The following TENT2 variants were observed in gnomAD, a reference collection of about 807,000 sequenced individuals.
TENT2 encodes terminal nucleotidyltransferase 2, also known as poly(A) RNA polymerase GLD2.
In TENT2, 44 loss-of-function variants were observed where a neutral mutation model predicts 72.2. That is an observed-to-expected ratio of 0.61 (90% CI 0.48 to 0.78). TENT2 has a LOEUF of 0.78. Ranked by LOEUF, TENT2 falls within the 30% of genes least tolerant of loss-of-function variation. TENT2 has a pLI of 0.00. For missense variants in TENT2, 541 were observed against 569.6 expected, an observed-to-expected ratio of 0.95 and a Z score of 0.51; for synonymous variants, 212 against 192.5, an observed-to-expected ratio of 1.10 and a Z score of -0.84.
chr5:79,613,456 CTG>C (rs1479439373), intron 1 of TENT2, among the ~76,000 whole-genome samples: 1 of 152,186 alleles, frequency 6.6e-6, no homozygotes, highest in African/African-American at 2.4e-5. Flanking sequence ...ATTACTAAAT[CTG>C]TGTTTTTATA....
chr5:79,657,825 T>A (rs1799013400), intron 11 of TENT2, among the ~76,000 whole-genome samples: 1 of 152,200 alleles, frequency 6.6e-6, no homozygotes. Context: ...CATATTGGTT[T>A]CATATACTTA....
chr5:79,620,081 G>T lies in TENT2; in HGVS notation c.225G>T (p.Arg75Ser). The change falls in exon 3 of 15, where the codon AGG becomes AGT. Residue 75 changes from arginine to serine, a missense_variant and splice_region_variant. Coordinates refer to ENST00000453514, the MANE Select transcript of TENT2 (RefSeq NM_001114394.3). Reference protein sequence around the residue: ...QTSASPLFRGRKRLSDEKNLP... With the variant: ...QTSASPLFRGSKRLSDEKNLP... ...CAGCTTCCCCATTATTTCGAGGAAG[G>T]AAGTAAGTACTTCTTAATTATTTTA... 6.3e-7 allele frequency: 1 copy of T among 1,587,444 alleles called. No individual in the cohort carries two copies. Among genetic ancestry groups the T allele is most frequent in the Non-Finnish European group, 8.6e-7 (1 of 1,157,656 alleles).
chr5:79,616,898 G>T (rs1368611860), intron 1 of TENT2, among the ~76,000 whole-genome samples: 3 of 152,058 alleles, frequency 2.0e-5, no homozygotes, highest in Non-Finnish European at 4.4e-5. Flanking sequence ...TATGAACCCT[G>T]GACTGGTGAG....
intron 4 of TENT2, among the ~76,000 whole-genome samples, chr5:79,634,114 C>T (rs865781334): frequency 1.0e-3 from 153 of 147,888 alleles, no homozygotes; most frequent in Middle Eastern, 3.6e-3. Context: ...CGAATCGTGC[C>T]ACTGCACTCC....
At position 79,685,665 on chromosome 5, in the gene TENT2, A is replaced by T. The variant is rs1438498411; in HGVS notation, c.*392A>T. On this transcript the variant is annotated 3_prime_UTR_variant, in exon 15 of 15. Coordinates refer to ENST00000453514, the MANE Select transcript of TENT2 (RefSeq NM_001114394.3). ...TTCATACATGCTTAAAGTATAACCT[A>T]CGTTAGATAGTTTGTTGTCAAAGTC... 6.4e-6 allele frequency: 1 copy of T among 156,288 alleles called. No individual in the cohort carries two copies. The highest frequency in any genetic ancestry group is 2.4e-5 in the African/African-American group (1 of 41,518). 9.7% of individuals were successfully genotyped at this position (156,288 alleles called of 1,614,324 possible).
chr5:79,669,092 ATATG>A, intron 12 of TENT2, 64 bp downstream of exon 12: 1 of 1,525,478 alleles, frequency 6.6e-7, no homozygotes, highest in Non-Finnish European at 8.9e-7. Context: ...GTATGTATAT[ATATG>A]AATACGAATA....
At chr5:79,671,059 A>G (rs1313519611) in intron 12 of TENT2, among the ~76,000 whole-genome samples, 6 of 152,164 alleles carry the variant, frequency 3.9e-5, no homozygotes. Context: ...TGTATAGTGT[A>G]GGATTAGAGC....
At chr5:79,685,011 T>C (rs1031338814) in intron 14 of TENT2, among the ~76,000 whole-genome samples, 188 bp from the exon 15 acceptor site, 1 of 152,124 alleles carries the variant, frequency 6.6e-6, no homozygotes, top group African/African-American at 2.4e-5. Flanking sequence ...TGAGCCGAGA[T>C]TGCACCACTG....
chr5:79,623,567 C>T, intron 4 of TENT2, 78 bp downstream of exon 4: 1 of 1,038,816 alleles, frequency 9.6e-7, no homozygotes, highest in Non-Finnish European at 1.4e-6. Flanking sequence ...TATTTAATAT[C>T]CTGGATTAAG....
chr5:79,656,292 T>C (rs1277376388), intron 10 of TENT2, among the ~76,000 whole-genome samples: 1 of 151,964 alleles, frequency 6.6e-6, no homozygotes, highest in Non-Finnish European at 1.5e-5. Context: ...GACACAAATA[T>C]GGTGATAACA....
intron 11 of TENT2, among the ~76,000 whole-genome samples, chr5:79,660,676 G>A (rs1802125529): frequency 6.6e-6 from 1 of 152,274 alleles, no homozygotes; most frequent in Non-Finnish European, 1.5e-5. Context: ...GGTCTCATAA[G>A]ATGGTGATAG....
intron 11 of TENT2, among the ~76,000 whole-genome samples, chr5:79,662,669 G>A (rs1454795395): frequency 6.6e-6 from 1 of 152,136 alleles, no homozygotes; most frequent in Non-Finnish European, 1.5e-5. Flanking sequence ...AGTGTACCGT[G>A]CTGTAAAGAG....
chr5:79,668,595 T>G, intron 11 of TENT2: 11 of 214,222 alleles, frequency 5.1e-5, no homozygotes, highest in East Asian at 4.7e-4. Context: ...AGATCTTGGT[T>G]TGTATAGTAA....
intron 4 of TENT2, among the ~76,000 whole-genome samples, chr5:79,624,463 A>G (rs1767714394): frequency 6.6e-6 from 1 of 152,110 alleles, no homozygotes; most frequent in Non-Finnish European, 1.5e-5. Flanking sequence ...CACCCTTTTA[A>G]AGTGTAGAGT....
intron 4 of TENT2, among the ~76,000 whole-genome samples, chr5:79,634,360 G>A (rs1778341479): frequency 6.6e-6 from 1 of 151,922 alleles, no homozygotes; most frequent in African/African-American, 2.4e-5. Context: ...TTTTTGAGAT[G>A]GAGTCTTGCT....
chr5:79,626,151 T>C (rs1411278757), intron 4 of TENT2, among the ~76,000 whole-genome samples: 1 of 151,746 alleles, frequency 6.6e-6, no homozygotes, highest in East Asian at 1.9e-4. Flanking sequence ...TAAAAAACTT[T>C]AGAGATGAGG....
chr5:79,645,969 G>A (rs976631291), intron 8 of TENT2, among the ~76,000 whole-genome samples: 5 of 152,014 alleles, frequency 3.3e-5, no homozygotes, highest in Non-Finnish European at 5.9e-5. Flanking sequence ...TGGTCATTTC[G>A]TGGACATACA....
chr5:79,663,558 A>G (rs1245801123), intron 11 of TENT2, among the ~76,000 whole-genome samples: 3 of 152,116 alleles, frequency 2.0e-5, no homozygotes, highest in Non-Finnish European at 4.4e-5. Context: ...GGGGAGAGAG[A>G]TGGGGGAATT....
intron 14 of TENT2, among the ~76,000 whole-genome samples, chr5:79,682,899 A>G (rs1823178752): frequency 6.6e-6 from 1 of 152,212 alleles, no homozygotes; most frequent in Non-Finnish European, 1.5e-5. Context: ...AAATGCCTTG[A>G]TATATGTATT....
Sources: allele counts gnomAD v4.1 joint callset (sites outside exome capture counted in the v4.1 genomes callset), GRCh38; gene constraint gnomAD v4.1.1; transcripts MANE v1.5; gene names NCBI Gene and HGNC (gene_info 2026-07-23, HGNC 2026-07-21).